The following DLG5 variants were observed in gnomAD, a reference collection of about 807,000 sequenced individuals.
DLG5 encodes disks large homolog 5.
Under a neutral mutation model 189.8 loss-of-function variants are expected in DLG5, and 48 were observed. The ratio of observed to expected loss-of-function variants is 0.25; its 90% confidence interval spans 0.20 to 0.32. DLG5 has a LOEUF of 0.32. DLG5 is among the 10% of genes least tolerant of loss of function. DLG5 has a pLI of 1.00. For missense variants in DLG5, 2,160 were observed against 2,544.7 expected, an observed-to-expected ratio of 0.85 and a Z score of 3.25; for synonymous variants, 1,016 against 1,054.1, an observed-to-expected ratio of 0.96 and a Z score of 0.70.
chr10:77,864,342 C>T (rs1000172475), intron 2 of DLG5, among the ~76,000 whole-genome samples: 1 of 152,236 alleles, frequency 6.6e-6, no homozygotes, highest in Non-Finnish European at 1.5e-5. Flanking sequence ...CAGGCCCTGG[C>T]TGCCCGGGAG....
chr10:77,830,811 G>A lies in DLG5; in HGVS notation c.1811C>T (p.Ser604Phe). ...ATCCGTGTCAATGGCCGAGTCGTGG[G>A]AGCTGTGGGCCATCAGCTGTCGGAA... is the stretch of plus-strand genomic sequence containing the variant. Reference protein sequence around the residue: ...ARFRQLMAHSSHDSAIDTDSM... With the variant: ...ARFRQLMAHSFHDSAIDTDSM... The change falls in exon 10 of 32, where the codon TCC becomes TTC. Residue 604 changes from serine to phenylalanine, a missense_variant. Coordinates refer to ENST00000372391, the MANE Select transcript of DLG5 (RefSeq NM_004747.4). 2 of 1,614,140 alleles carry A rather than the reference G, an allele frequency of 1.2e-6. No individual in the cohort carries two copies. Among genetic ancestry groups the A allele is most frequent in the Non-Finnish European group, 1.7e-6 (2 of 1,180,034 alleles).
At chr10:77,806,724 G>GCCCCCCCC in intron 26 of DLG5, 34 bp downstream of exon 26, 14 of 1,016,146 alleles carry the variant, frequency 1.4e-5, no homozygotes, top group Admixed American at 2.0e-5. Context: ...GGCGACCCCT[G>GCCCCCCCC]CCCCACCCCA....
chr10:77,924,178 T>C (rs895957980), intron 1 of DLG5, among the ~76,000 whole-genome samples: 3 of 152,226 alleles, frequency 2.0e-5, no homozygotes, highest in African/African-American at 7.2e-5. Flanking sequence ...GTTTTTCTAA[T>C]GCATTAAGTA....
At chr10:77,849,585 G>A (rs969947688) in intron 5 of DLG5, among the ~76,000 whole-genome samples, 3 of 152,232 alleles carry the variant, frequency 2.0e-5, no homozygotes, top group Non-Finnish European at 1.5e-5. Context: ...TGGTCCAGCT[G>A]AACTGACCTG....
the DLG5 span, among the ~76,000 whole-genome samples, chr10:77,933,250 T>TGTTTTTGTTTTTGTTTGG: frequency 6.6e-6 from 1 of 152,094 alleles, no homozygotes. Flanking sequence ...ATTTTTTGTT[T>TGTTTTTGTTTTTGTTTGG]GTTTTTGTTT....
intron 1 of DLG5, among the ~76,000 whole-genome samples, chr10:77,879,342 G>A (rs1201739946): frequency 6.6e-6 from 1 of 152,168 alleles, no homozygotes; most frequent in Non-Finnish European, 1.5e-5. Flanking sequence ...GGTCACAGGG[G>A]CAATAGGACA....
Position 77,833,883 on chromosome 10 carries a change from C to T in DLG5, c.1748+31G>A, listed in dbSNP as rs538341111. ...GGGGCCCCAGGCTCCCAGATGCATG[C>T]CCACTCCAGCGGGTGCCCACCCGAG... On this transcript the variant is annotated intron_variant, in intron 9 of 31. Coordinates refer to ENST00000372391, the MANE Select transcript of DLG5 (RefSeq NM_004747.4). The T allele has an allele frequency of 3.1e-6, 5 of 1,600,976 alleles. No individual in the cohort carries two copies. In the African/African-American group the frequency reaches 4.0e-5, roughly 13 times the overall value.
intron 12 of DLG5, among the ~76,000 whole-genome samples, 153 bp downstream of exon 12, chr10:77,829,202 C>T (rs934214589): frequency 3.3e-5 from 5 of 152,206 alleles, no homozygotes; most frequent in Non-Finnish European, 5.9e-5. Flanking sequence ...GGGCCCAGAC[C>T]ACCTCTTGCC....
At chr10:77,869,258 C>T in intron 1 of DLG5, 61 bp from the exon 2 acceptor site, 1 of 1,503,700 alleles carries the variant, frequency 6.7e-7, no homozygotes, top group Non-Finnish European at 9.2e-7. Context: ...TCACCCCAAG[C>T]CAGCTGATCA....
intron 30 of DLG5, among the ~76,000 whole-genome samples, chr10:77,794,601 A>T (rs966027861): frequency 6.6e-6 from 1 of 152,222 alleles, no homozygotes. Context: ...GCCATGCCCA[A>T]AAAACAGTGG....
intron 18 of DLG5, among the ~76,000 whole-genome samples, chr10:77,817,555 G>A (rs1310718544): frequency 6.6e-6 from 1 of 152,194 alleles, no homozygotes; most frequent in Non-Finnish European, 1.5e-5. Flanking sequence ...TGACCATAAG[G>A]CCCCCACAGA....
chr10:77,917,415 C>T (rs1846394049), intron 1 of DLG5, among the ~76,000 whole-genome samples: 1 of 151,514 alleles, frequency 6.6e-6, no homozygotes, highest in Non-Finnish European at 1.5e-5. Context: ...ACTCGGGAGG[C>T]TGAGGTGGGA....
intron 22 of DLG5, among the ~76,000 whole-genome samples, chr10:77,811,551 C>A (rs945460126): frequency 2.0e-5 from 3 of 152,102 alleles, no homozygotes; most frequent in Non-Finnish European, 2.9e-5. Context: ...GCAGGGCATG[C>A]CTCCCCTTCT....
intron 2 of DLG5, among the ~76,000 whole-genome samples, chr10:77,859,514 T>C (rs1009054576): frequency 6.6e-6 from 1 of 152,204 alleles, no homozygotes; most frequent in African/African-American, 2.4e-5. Flanking sequence ...TTCTTTTCTA[T>C]GTATAGACAC....
chr10:77,839,436 G>C (rs998427683), intron 7 of DLG5, among the ~76,000 whole-genome samples: 1 of 152,158 alleles, frequency 6.6e-6, no homozygotes, highest in African/African-American at 2.4e-5. Context: ...GGCAGGTGGA[G>C]GTTGTAGTGA....
intron 7 of DLG5, among the ~76,000 whole-genome samples, chr10:77,838,628 G>A (rs572492611): frequency 6.6e-6 from 1 of 152,344 alleles, no homozygotes; most frequent in African/African-American, 2.4e-5. Flanking sequence ...GGAGCAAGAC[G>A]TGCAGATAGA....
At chr10:77,896,666 C>A (rs889832844) in intron 1 of DLG5, among the ~76,000 whole-genome samples, 1 of 151,976 alleles carries the variant, frequency 6.6e-6, no homozygotes, top group Non-Finnish European at 1.5e-5. Context: ...TATGGTGAAA[C>A]CCTGTTTCTA....
chr10:77,904,070 GCAGTGGGAGGAT>G (rs551150473), intron 1 of DLG5, among the ~76,000 whole-genome samples: 30 of 152,328 alleles, frequency 2.0e-4, no homozygotes, highest in African/African-American at 7.2e-4. Context: ...TCAGGAGGCT[GCAGTGGGAGGAT>G]CAGTGGGAGG....
intron 2 of DLG5, among the ~76,000 whole-genome samples, chr10:77,858,693 G>A (rs1844350131): frequency 1.3e-5 from 2 of 152,156 alleles, no homozygotes; most frequent in Admixed American, 6.5e-5. Flanking sequence ...GTCACCTAAT[G>A]ACGTCTTGTT....
Sources: gnomAD v4.1 joint callset for allele counts (sites outside exome capture counted in the v4.1 genomes callset) on GRCh38, gnomAD v4.1.1 for gene constraint, MANE v1.5 for transcripts, NCBI Gene and HGNC (gene_info 2026-07-23, HGNC 2026-07-21) for gene names.